KAZN: variants seen among roughly 807,000 people sequenced by gnomAD.
KAZN encodes kazrin.
Under a neutral mutation model 87.4 loss-of-function variants are expected in KAZN, and 40 were observed. That is an observed-to-expected ratio of 0.46 (90% CI 0.36 to 0.60). KAZN has a LOEUF of 0.60. Ranked by LOEUF, KAZN falls within the 20% of genes least tolerant of loss-of-function variation. The pLI, the probability that KAZN is intolerant of heterozygous loss-of-function variation, is 0.00. For missense variants in KAZN, 898 were observed against 1,073.9 expected (o/e 0.84, Z 2.29); for synonymous variants, 466 against 458.3 (o/e 1.02, Z -0.22).
At chr1:14,525,358 G>A (rs1330605590) in intron 2 of KAZN, among the ~76,000 whole-genome samples, 1 of 152,078 alleles carries the variant, frequency 6.6e-6, no homozygotes, top group Non-Finnish European at 1.5e-5. Context: ...TCTGTAAAGG[G>A]CCAGTTACTG....
At chr1:14,309,547 A>T (rs1349987912) in intron 2 of KAZN, among the ~76,000 whole-genome samples, 1 of 152,166 alleles carries the variant, frequency 6.6e-6, no homozygotes, top group African/African-American at 2.4e-5. Flanking sequence ...AATCCACTGA[A>T]GATGGCATTA....
chr1:14,832,653 C>G (rs572399197), intron 1 of KAZN, among the ~76,000 whole-genome samples: 2 of 152,296 alleles, frequency 1.3e-5, no homozygotes, highest in African/African-American at 4.8e-5. Context: ...AAAAAGTTTA[C>G]AAATTCGTAT....
intron 1 of KAZN, among the ~76,000 whole-genome samples, chr1:13,934,777 A>G (rs536554684): frequency 1.4e-5 from 2 of 147,568 alleles, no homozygotes; most frequent in East Asian, 2.0e-4. Context: ...GATTCACTCT[A>G]TTTACTTGGG....
intron 1 of KAZN, among the ~76,000 whole-genome samples, chr1:14,634,239 T>G (rs1679795544): frequency 6.6e-6 from 1 of 152,138 alleles, no homozygotes. Flanking sequence ...AACTATTCCT[T>G]CCCCAAGAAC....
intron 1 of KAZN, among the ~76,000 whole-genome samples, chr1:14,046,802 G>A (rs1192645654): frequency 6.6e-6 from 1 of 152,228 alleles, no homozygotes. Context: ...TCATCTGGCA[G>A]CAGGCCCTGT....
At chr1:15,104,228 G>A (rs1641216120) in intron 13 of KAZN, 39 bp downstream of exon 13, 1 of 1,532,718 alleles carries the variant, frequency 6.5e-7, no homozygotes, top group African/African-American at 1.4e-5. Context: ...GGGCTGCTGG[G>A]TACAGTACAG....
At chr1:14,693,055 G>A (rs1641409022) in intron 1 of KAZN, among the ~76,000 whole-genome samples, 2 of 152,124 alleles carry the variant, frequency 1.3e-5, no homozygotes, top group Non-Finnish European at 2.9e-5. Context: ...TCCCTGCTTC[G>A]ACCCTAAGCA....
intron 1 of KAZN, among the ~76,000 whole-genome samples, chr1:14,097,702 T>C (rs753039461): frequency 6.6e-6 from 1 of 152,218 alleles, no homozygotes; most frequent in Admixed American, 6.5e-5. Context: ...GAACCTGTTA[T>C]AGAATACTTC....
At chr1:14,690,035 C>A (rs1170443496) in intron 1 of KAZN, among the ~76,000 whole-genome samples, 1 of 152,154 alleles carries the variant, frequency 6.6e-6, no homozygotes, top group Non-Finnish European at 1.5e-5. Flanking sequence ...TCTAAGGCTG[C>A]AGAAATCTCC....
chr1:14,403,826 T>A (rs372080310), intron 2 of KAZN, among the ~76,000 whole-genome samples: 120 of 152,288 alleles, frequency 7.9e-4, no homozygotes, highest in African/African-American at 2.9e-3. Context: ...TCTGGGGTAA[T>A]ACCCAACATT....
chr1:15,106,102 T>C (rs575898), intron 13 of KAZN, among the ~76,000 whole-genome samples: 144,214 of 152,106 alleles, frequency 0.95, 68,392 homozygotes, highest in East Asian at 0.99. Flanking sequence ...CAACATAGCG[T>C]GACCTTTTCT....
rs1653920447 is a variant in KAZN, at chr1:14,885,363, C to T, written c.227-75321C>T. Among the ~76,000 whole-genome samples the T allele has an allele frequency of 2.0e-5, 3 of 152,150 alleles. No individual in the cohort carries two copies. The South Asian group carries it at 6.2e-4, about 32-fold the overall frequency. ...TGCCAAGCCTGCTGAGAACATCCTT[C>T]CCCCTTCTCTCCACCTATTGAACTC... On this transcript the variant is annotated intron_variant, in intron 1 of 14. Coordinates refer to ENST00000376030, the MANE Select transcript of KAZN (RefSeq NM_201628.3).
At chr1:14,734,721 T>A (rs916104127) in intron 1 of KAZN, among the ~76,000 whole-genome samples, 1 of 152,240 alleles carries the variant, frequency 6.6e-6, no homozygotes, top group Non-Finnish European at 1.5e-5. Flanking sequence ...TGACATGGCA[T>A]GTACATGACA....
At chr1:14,738,305 C>T (rs1042423876) in intron 1 of KAZN, among the ~76,000 whole-genome samples, 5 of 152,104 alleles carry the variant, frequency 3.3e-5, no homozygotes, top group Non-Finnish European at 5.9e-5. Flanking sequence ...TCCCCAGGAG[C>T]GGAGAGAGGG....
At chr1:14,358,496 G>A (rs759811964) in intron 2 of KAZN, among the ~76,000 whole-genome samples, 3 of 151,984 alleles carry the variant, frequency 2.0e-5, no homozygotes, top group Non-Finnish European at 4.4e-5. Flanking sequence ...TGCTTCTCTA[G>A]TCCTTTTAAT....
chr1:15,051,044 C>T (rs1178670117), intron 4 of KAZN, among the ~76,000 whole-genome samples: 2 of 152,260 alleles, frequency 1.3e-5, no homozygotes, highest in Non-Finnish European at 2.9e-5. Context: ...TGGCCTTGTG[C>T]CCGCTCAGTG....
At chr1:14,053,831 G>C (rs7519048) in intron 1 of KAZN, among the ~76,000 whole-genome samples, 27,133 of 152,064 alleles carry the variant, frequency 0.18, 2,709 homozygotes, top group Non-Finnish European at 0.23. Context: ...GCTTTCTACT[G>C]TCTGGAAGCC....
intron 1 of KAZN, among the ~76,000 whole-genome samples, chr1:13,949,251 C>T (rs2100991584): frequency 6.6e-6 from 1 of 152,298 alleles, no homozygotes; most frequent in African/African-American, 2.4e-5. Context: ...TGCAAAACAT[C>T]TGCTGGCACA....
chr1:14,181,713 G>A (rs1477404705), intron 2 of KAZN, among the ~76,000 whole-genome samples: 1 of 152,020 alleles, frequency 6.6e-6, no homozygotes, highest in Non-Finnish European at 1.5e-5. Context: ...CCTGTCTGGT[G>A]GAAAAAGGAA....
Sources: gnomAD v4.1 joint callset for allele counts (sites outside exome capture counted in the v4.1 genomes callset) on GRCh38, gnomAD v4.1.1 for gene constraint, MANE v1.5 for transcripts, NCBI Gene and HGNC (gene_info 2026-07-23, HGNC 2026-07-21) for gene names.